Variants in MAN2B1 observed in about 807,000 individuals in gnomAD.
MAN2B1 encodes the protein lysosomal alpha-mannosidase.
In MAN2B1, 99 loss-of-function variants were observed where a neutral mutation model predicts 127.5. The ratio of observed to expected loss-of-function variants is 0.78; its 90% CI spans 0.66 to 0.92. MAN2B1 has a LOEUF of 0.92. Ranked by LOEUF, MAN2B1 falls within the 40% of genes least tolerant of loss-of-function variation. The probability of loss-of-function intolerance (pLI) is 0.00; values close to 1 mark genes in which losing one functional copy is unlikely to be tolerated. For missense variants in MAN2B1, 1,304 were observed against 1,384.8 expected (o/e 0.94, Z 0.93); for synonymous variants, 573 against 568.8 (o/e 1.01, Z -0.11).
chr19:12,655,677 T>A lies in MAN2B1; in HGVS notation c.1830+17A>T, dbSNP rs1160244199. 3 of 1,604,134 alleles carry A rather than the reference T, an allele frequency of 1.9e-6. No individual in the cohort carries two copies. Among genetic ancestry groups the A allele is most frequent in the South Asian group, 2.2e-5 (2 of 90,126 alleles). On this transcript the variant is annotated intron_variant, in intron 14 of 23. Transcript: ENST00000456935. ...TTTGTCACAGGAGCAGGAAAGGGGA[T>A]TGAAATGGGGTCTCACCTCATTTTC...
Position 12,657,014 on chromosome 19 carries a change from C to G in MAN2B1, c.1462G>C (p.Asp488His), listed in dbSNP as rs1229982479. The G allele has an allele frequency of 8.7e-6, 14 of 1,613,380 alleles. No homozygotes were observed. The highest frequency in any genetic ancestry group is 1.2e-5 in the Non-Finnish European group (14 of 1,179,978). Residue 488 changes from aspartate to histidine, a missense_variant, in exon 12 of 24, where the codon GAT (aspartate) becomes CAT (histidine). Physicochemically the swap from Asp to His is moderately conservative, Grantham distance 81. Transcript: ENST00000456935. The stretch of plus-strand genomic sequence containing the variant: ...AGCTGTTGGCAAAAGGTGAAGTGAT[C>G]TTTGAAGCCTCTGAGCCGCGCCAGC... Reference protein sequence around the residue: ...NALARLRGFKDHFTFCQQLNI... With the variant: ...NALARLRGFKHHFTFCQQLNI...
rs1568297039 is a variant in MAN2B1, at chr19:12,647,286, AC to A, written c.2869del (p.Val957TrpfsTer76). On this transcript the variant is annotated frameshift_variant, in exon 23 of 24. Coordinates refer to ENST00000456935, the MANE Select transcript of MAN2B1 (RefSeq NM_000528.4). LOFTEE classifies it high-confidence loss of function. The surrounding 1 kb of genome is among the most constrained non-coding windows in gnomAD (Gnocchi z 4.9). ...TITRLQETTL[V>X]ANQLREAASR... ...GGCTGCCTCGCGGAGCTGGTTGGCC[AC>A]CAGCGTGGTCTCCTGCAGGCGGGTG... 1 of 1,614,128 alleles carries A rather than the reference AC, an allele frequency of 6.2e-7. No individual in the cohort carries two copies. The highest frequency in any genetic ancestry group is 8.5e-7 in the Non-Finnish European group (1 of 1,180,026).
intron 13 of MAN2B1, 189 bp downstream of exon 13, chr19:12,656,382 A>C: frequency 3.5e-6 from 2 of 569,972 alleles, no homozygotes; most frequent in South Asian, 2.1e-5. Flanking sequence ...AGGGAGGACC[A>C]CTCACAGGAG....
rs1156891431 is a variant in MAN2B1 at position 12,657,771 on chromosome 19, T to C, written c.1310-216A>G. 10 of 612,696 alleles carry C rather than the reference T, an allele frequency of 1.6e-5. No homozygotes were observed. In the East Asian group the frequency reaches 2.2e-4, roughly 14 times the overall value. 38.0% of individuals were successfully genotyped at this position (612,696 alleles called of 1,614,324 possible). ...CAGATCGAGACCATCCTGGCTAACA[T>C]GGTGAAACCCCGTCTCTACTAAAAA... On this transcript the variant is annotated intron_variant, in intron 10 of 23. Coordinates refer to ENST00000456935, the MANE Select transcript of MAN2B1 (RefSeq NM_000528.4).
In MAN2B1 at chr19:12,649,305, A is replaced by G. The variant is rs767467900; in HGVS notation, c.2355+36T>C. 6 of 1,601,774 alleles carry G rather than the reference A, an allele frequency of 3.7e-6. No individual in the cohort carries two copies. In the Admixed American group the frequency reaches 6.7e-5, roughly 18 times the overall value. On this transcript the variant is annotated intron_variant, in intron 19 of 23. Transcript: ENST00000456935. The stretch of plus-strand genomic sequence containing the variant: ...GCAGATAAGGGGTGATTCCCTTTCT[A>G]TCGAGGTGGGGAGGTGCAGGATGGG...
chr19:12,664,349 C>G (rs997293349), intron 4 of MAN2B1, among the ~76,000 whole-genome samples: 1 of 151,126 alleles, frequency 6.6e-6, no homozygotes, highest in Non-Finnish European at 1.5e-5. Context: ...ACATCAGAAC[C>G]CAGGTTCACC....
Position 12,665,716 on chromosome 19 carries a change from C to G in MAN2B1, c.249G>C (p.Gln83His), listed in dbSNP as rs778650869. The G allele has an allele frequency of 1.2e-6, 2 of 1,614,020 alleles. No homozygotes were observed. The highest frequency in any genetic ancestry group is 1.3e-5 in the African/African-American group (1 of 74,920). The change falls in exon 2 of 24, where the codon CAG (glutamine) becomes CAC (histidine). Residue 83 changes from glutamine to histidine, a missense_variant. Transcript: ENST00000456935. ...DDVGWLKTVD[Q>H]YFYGIKNDIQ... Reference sequence around the variant, plus strand: ...TCCTCTACTCACTTCCATAAAAGTACTGGTCCACGGTTTTGAGCCAGCCCA... The same window carrying G: ...TCCTCTACTCACTTCCATAAAAGTAGTGGTCCACGGTTTTGAGCCAGCCCA...
chr19:12,659,888 G>C (rs1003612147), intron 7 of MAN2B1, among the ~76,000 whole-genome samples: 3 of 152,060 alleles, frequency 2.0e-5, no homozygotes, highest in African/African-American at 7.2e-5. Flanking sequence ...TAAAAGAGCT[G>C]TTTTGGTGAA....
chr19:12,661,685 C>T (rs2024108783), intron 6 of MAN2B1, among the ~76,000 whole-genome samples: 1 of 152,084 alleles, frequency 6.6e-6, no homozygotes. Flanking sequence ...AGAATAGCAT[C>T]TTCCTCCAGG....
chr19:12,652,477 C>G lies in MAN2B1; in HGVS notation c.1831-17G>C. ...CCGGATGTGCTGGGCAGAAAAGGGT[C>G]CACAGATGGGTTTGTGTGTGTATGT... is the stretch of plus-strand genomic sequence containing the variant. On this transcript the variant is annotated splice_polypyrimidine_tract_variant and intron_variant, in intron 14 of 23. Coordinates refer to ENST00000456935, the MANE Select transcript of MAN2B1 (RefSeq NM_000528.4). 1 of 1,579,208 alleles carries G rather than the reference C, an allele frequency of 6.3e-7. No individual in the cohort carries two copies. Among genetic ancestry groups the G allele is most frequent in the Non-Finnish European group, 8.7e-7 (1 of 1,148,314 alleles).
chr19:12,655,935 G>T, intron 13 of MAN2B1, 56 bp from the exon 14 acceptor site: 1 of 1,464,744 alleles, frequency 6.8e-7, no homozygotes, highest in Non-Finnish European at 9.5e-7. Context: ...AGCTATACAT[G>T]CATGGAGACA....
At position 12,658,479 on chromosome 19, in the gene MAN2B1, T is replaced by C. The variant is rs776768583; in HGVS notation, c.1058A>G (p.Tyr353Cys). Residue 353 changes from tyrosine (Y) to cysteine (C), a missense_variant, in exon 8 of 24, where the codon TAC (tyrosine) becomes TGC (cysteine). By Grantham distance (194) the Tyr-to-Cys change is radical (BLOSUM62 -2). Transcript: ENST00000456935. ...CCAGAGGTAACAAGCGGGGGTGGAG[T>C]AGAGAACATGGACACTGCTTCCTTT... ...QAKGSSVHVLYSTPACYLWEL... is the reference protein window; with the variant it reads ...QAKGSSVHVLCSTPACYLWEL... 6.2e-7 allele frequency: 1 copy of C among 1,613,484 alleles called. No homozygotes were observed. Among genetic ancestry groups the C allele is most frequent in the Non-Finnish European group, 8.5e-7 (1 of 1,179,928 alleles).
intron 10 of MAN2B1, 115 bp from the exon 11 acceptor site, chr19:12,657,670 C>T (rs2024001431): frequency 3.2e-6 from 3 of 945,686 alleles, no homozygotes; most frequent in African/African-American, 1.6e-5. Flanking sequence ...AGAAGGAACT[C>T]GAGGACGGCT....
At chr19:12,650,966 C>G (rs1020044309) in intron 16 of MAN2B1, among the ~76,000 whole-genome samples, 2 of 149,788 alleles carry the variant, frequency 1.3e-5, no homozygotes, top group African/African-American at 5.0e-5. Flanking sequence ...GCCACTGCAC[C>G]CGGCCTCTTT....
intron 1 of MAN2B1, 23 bp downstream of exon 1, chr19:12,666,520 T>C: frequency 3.2e-6 from 5 of 1,569,232 alleles, no homozygotes; most frequent in Non-Finnish European, 4.3e-6. Flanking sequence ...TCCTGTACGT[T>C]TCAGCTCGGA....
chr19:12,647,226 G>T lies in MAN2B1; in HGVS notation c.2923+7C>A. ...CACCCCTTCCCTACCCCTGACCAGG[G>T]CCCCACCTGTGTTTGTTGTCCACTT... On this transcript the variant is annotated splice_region_variant and intron_variant, in intron 23 of 23. Coordinates refer to ENST00000456935, the MANE Select transcript of MAN2B1 (RefSeq NM_000528.4). This position sits in a 1 kb window ranked among gnomAD's most constrained non-coding sequence, Gnocchi z 4.9. The T allele has an allele frequency of 6.2e-7, 1 of 1,611,738 alleles. No homozygotes were observed. The highest frequency in any genetic ancestry group is 8.5e-7 in the Non-Finnish European group (1 of 1,177,902).
At position 12,648,188 on chromosome 19, in the gene MAN2B1, G is replaced by A. The variant is rs760186947; in HGVS notation, c.2651C>T (p.Pro884Leu). The change falls in exon 21 of 24, where the codon CCT becomes CTT. Residue 884 changes from proline (P) to leucine (L), a missense_variant. By Grantham distance (98) the Pro-to-Leu change is moderately conservative (BLOSUM62 -3). Transcript: ENST00000456935. ...GCTGCCCCTCACCTGCGTGCGCGGA[G>A]GAGCCCCGAGATTGTAGGCGGCGCC... ...GGGAAYNLGA[P>L]PRTQFSGLRR... 1.9e-6 allele frequency: 3 copies of A among 1,540,722 alleles called. No individual in the cohort carries two copies. Among genetic ancestry groups the A allele is most frequent in the African/African-American group, 2.7e-5 (2 of 73,040 alleles).
In MAN2B1 at chr19:12,663,364, T is replaced by C. The variant is rs927024699; in HGVS notation, c.862A>G (p.Asn288Asp). 24 of 1,614,004 alleles carry C rather than the reference T, an allele frequency of 1.5e-5. 1 individual carries two copies. The African/African-American group carries it at 2.5e-4, about 17-fold the overall frequency. ...AAGTAATCGACCAGCTCCTTGGCGTTGTACTCGGGGCTGCGAGGGTCCTCC... is the reference window on the plus strand; with the variant it reads ...AAGTAATCGACCAGCTCCTTGGCGTCGTACTCGGGGCTGCGAGGGTCCTCC... ...LVEDPRSPEYNAKELVDYFLN... is the reference protein window; with the variant it reads ...LVEDPRSPEYDAKELVDYFLN... Residue 288 changes from asparagine (N) to aspartate (D), a missense_variant, in exon 6 of 24, where the codon AAC becomes GAC. Asn to Asp is a conservative substitution (Grantham distance 23, BLOSUM62 1). Coordinates refer to ENST00000456935, the MANE Select transcript of MAN2B1 (RefSeq NM_000528.4).
At chr19:12,649,089 T>C (rs2023772100) in intron 20 of MAN2B1, 47 bp downstream of exon 20, 1 of 1,523,332 alleles carries the variant, frequency 6.6e-7, no homozygotes, top group South Asian at 1.1e-5. Context: ...CCAGCAGGGG[T>C]CCAGGTTGGG....
Sources: gnomAD v4.1 joint callset for allele counts (sites outside exome capture counted in the v4.1 genomes callset) on GRCh38, gnomAD v4.1.1 for gene constraint, Gnocchi (gnomAD v3.1) non-coding constraint, MANE v1.5 for transcripts, NCBI Gene and HGNC (gene_info 2026-07-23, HGNC 2026-07-21) for gene names.